The following NRXN1 variants were observed in gnomAD, a reference collection of about 807,000 sequenced individuals.
NRXN1 encodes neurexin-1.
NRXN1 carries 39 observed loss-of-function variants against 150.9 expected under a neutral mutation model. That is an observed-to-expected ratio of 0.26 (90% CI 0.20 to 0.34). NRXN1 has a LOEUF of 0.34. Among genes scored for constraint, NRXN1 ranks in the 10% least tolerant of loss-of-function variants. The pLI is 1.00. For synonymous variants in NRXN1, 924 were observed against 757.0 expected (o/e 1.22, Z -3.62); for missense variants, 1,815 against 1,949.9 (o/e 0.93, Z 1.30).
chr2:49,946,447 G>A (rs190546980), intron 21 of NRXN1, among the ~76,000 whole-genome samples: 70 of 152,236 alleles, frequency 4.6e-4, no homozygotes, highest in African/African-American at 1.5e-3. Flanking sequence ...TAGTCATCAA[G>A]TCTTTGCCCA....
At chr2:50,897,454 G>T (rs1682171107) in intron 5 of NRXN1, among the ~76,000 whole-genome samples, 1 of 151,912 alleles carries the variant, frequency 6.6e-6, no homozygotes, top group African/African-American at 2.4e-5. Context: ...TATGTGCAAG[G>T]GATTATTTTA....
intron 9 of NRXN1, among the ~76,000 whole-genome samples, chr2:50,544,563 C>A (rs373504685): frequency 6.6e-5 from 10 of 152,052 alleles, no homozygotes; most frequent in African/African-American, 2.4e-4. Flanking sequence ...TATATGAAAA[C>A]AGAACTCTAA....
Position 50,334,192 on chromosome 2 carries a change from A to ATTTTATATATATATATATATATATATAT in NRXN1, c.3365-97223_3365-97222insATATATATATATATATATATATATAAAA, listed in dbSNP as rs1553457970. On this transcript the variant is annotated intron_variant, in intron 17 of 22. Coordinates refer to ENST00000401669, the MANE Select transcript of NRXN1 (RefSeq NM_001330078.2). ...CTGCCTTTCCTTAAGACCAGGACCAAATATATATATATATATATATGTATG... is the reference window on the plus strand; with the variant it reads ...CTGCCTTTCCTTAAGACCAGGACCAATTTTATATATATATATATATATATATATATATATATATATATATATATGTATG... 2.3e-4 allele frequency among the ~76,000 whole-genome samples: 27 copies of ATTTTATATATATATATATATATATATAT among 118,984 alleles called. 1 individual carries two copies. The highest frequency in any genetic ancestry group is 7.1e-4 in the East Asian group (3 of 4,230). The allele number at this position is 118,984 out of a possible 152,430, so 78.1% of individuals were successfully genotyped here.
intron 17 of NRXN1, among the ~76,000 whole-genome samples, chr2:50,241,189 T>C (rs1485829118): frequency 5.3e-5 from 8 of 150,792 alleles, no homozygotes; most frequent in Non-Finnish European, 1.5e-5. Context: ...CCATAAAACA[T>C]CTAGCATAGT....
At chr2:50,733,697 G>A (rs921373928) in intron 5 of NRXN1, among the ~76,000 whole-genome samples, 1 of 152,098 alleles carries the variant, frequency 6.6e-6, no homozygotes, top group African/African-American at 2.4e-5. Flanking sequence ...GCAGATTTTA[G>A]AGAAGATTAA....
intron 15 of NRXN1, among the ~76,000 whole-genome samples, chr2:50,487,958 T>C (rs535653854): frequency 6.6e-6 from 1 of 152,276 alleles, no homozygotes; most frequent in African/African-American, 2.4e-5. Flanking sequence ...ATGTACTCCC[T>C]ATGTATAAAC....
intron 19 of NRXN1, among the ~76,000 whole-genome samples, chr2:50,068,707 G>A (rs1695745906): frequency 6.6e-6 from 1 of 152,162 alleles, no homozygotes; most frequent in Non-Finnish European, 1.5e-5. Flanking sequence ...TCATGTCATT[G>A]TTTATTCTCT....
At chr2:50,588,483 T>C (rs1256820302) in intron 8 of NRXN1, among the ~76,000 whole-genome samples, 1 of 152,156 alleles carries the variant, frequency 6.6e-6, no homozygotes, top group Admixed American at 6.5e-5. Flanking sequence ...ACAGGAACTC[T>C]AGAGTGCTGA....
At chr2:50,062,242 C>A (rs547521974) in intron 19 of NRXN1, among the ~76,000 whole-genome samples, 1 of 151,928 alleles carries the variant, frequency 6.6e-6, no homozygotes. Context: ...GGAGGTAAAG[C>A]CTTTGGGAGC....
At chr2:50,905,958 G>C (rs752158748) in intron 5 of NRXN1, among the ~76,000 whole-genome samples, 33 of 152,034 alleles carry the variant, frequency 2.2e-4, no homozygotes, top group Non-Finnish European at 4.3e-4. Context: ...GTTTAAGCAA[G>C]GCACTAGACT....
At chr2:50,302,637 T>G (rs1488746926) in intron 17 of NRXN1, among the ~76,000 whole-genome samples, 1 of 152,158 alleles carries the variant, frequency 6.6e-6, no homozygotes. Context: ...TATATAAATG[T>G]GGCATTTTAA....
At chr2:50,996,588 C>T (rs1000752013) in intron 2 of NRXN1, among the ~76,000 whole-genome samples, 4 of 152,058 alleles carry the variant, frequency 2.6e-5, no homozygotes, top group African/African-American at 9.7e-5. Flanking sequence ...TCTGCATGTA[C>T]CTGGCTTCTG....
At chr2:50,374,218 A>T (rs1325295933) in intron 17 of NRXN1, among the ~76,000 whole-genome samples, 1 of 151,788 alleles carries the variant, frequency 6.6e-6, no homozygotes, top group African/African-American at 2.4e-5. Context: ...TGATTGCTTG[A>T]GTCCAGAAGT....
chr2:50,383,477 T>C (rs567695402), intron 17 of NRXN1, among the ~76,000 whole-genome samples: 4 of 152,338 alleles, frequency 2.6e-5, no homozygotes, highest in Admixed American at 2.6e-4. Flanking sequence ...GTTTTATTTT[T>C]AGTTAATACA....
At chr2:50,488,414 G>C (rs1178471239) in intron 15 of NRXN1, among the ~76,000 whole-genome samples, 1 of 152,182 alleles carries the variant, frequency 6.6e-6, no homozygotes, top group Admixed American at 6.5e-5. Context: ...AGAAGGCCAA[G>C]TTTACCAATG....
chr2:50,253,640 A>G (rs941396504), intron 17 of NRXN1, among the ~76,000 whole-genome samples: 1 of 152,144 alleles, frequency 6.6e-6, no homozygotes, highest in Non-Finnish European at 1.5e-5. Context: ...GAATTTTATC[A>G]AAAGCTTTTT....
At chr2:50,844,896 C>A (rs748530074) in intron 5 of NRXN1, among the ~76,000 whole-genome samples, 8 of 151,738 alleles carry the variant, frequency 5.3e-5, no homozygotes, top group Admixed American at 5.2e-4. Context: ...TTCTGTTGTT[C>A]AGGCTGGAGT....
At chr2:50,877,297 A>G (rs1276183870) in intron 5 of NRXN1, among the ~76,000 whole-genome samples, 1 of 151,910 alleles carries the variant, frequency 6.6e-6, no homozygotes, top group Non-Finnish European at 1.5e-5. Flanking sequence ...TTAAACAAAG[A>G]TAGAGAACAT....
intron 3 of NRXN1, 32 bp from the exon 4 acceptor site, chr2:50,922,719 A>G (rs199872339): frequency 1.2e-6 from 2 of 1,608,014 alleles, no homozygotes. Flanking sequence ...AGTCAGCAAT[A>G]AACAAGGGAG....
Sources: gnomAD v4.1 joint callset for allele counts (sites outside exome capture counted in the v4.1 genomes callset) on GRCh38, gnomAD v4.1.1 for gene constraint, MANE v1.5 for transcripts, NCBI Gene and HGNC (gene_info 2026-07-23, HGNC 2026-07-21) for gene names.